Variants in PIP4P2 observed in about 807,000 individuals in gnomAD.
PIP4P2 encodes the protein phosphatidylinositol-4,5-bisphosphate 4-phosphatase 2.
Under a neutral mutation model 33.3 loss-of-function variants are expected in PIP4P2, and 19 were observed. That is an observed-to-expected ratio of 0.57 (90% CI 0.40 to 0.84). The LOEUF (loss-of-function observed/expected upper bound fraction) is 0.84, where lower values mean the gene tolerates loss of function less well. PIP4P2 is among the 40% of genes least tolerant of loss of function. The pLI, the probability that PIP4P2 is intolerant of heterozygous loss-of-function variation, is 0.00. For missense variants in PIP4P2, 270 were observed against 324.7 expected (o/e 0.83, Z 1.29); for synonymous variants, 110 against 111.9 (o/e 0.98, Z 0.11).
intron 4 of PIP4P2, 144 bp downstream of exon 4, chr8:91,018,246 T>A: frequency 2.3e-6 from 3 of 1,313,172 alleles, no homozygotes; most frequent in Non-Finnish European, 2.1e-6. Flanking sequence ...TAGTTGCACT[T>A]CTGATTGTCT....
At chr8:91,038,943 G>A (rs1364478901) in intron 1 of PIP4P2, among the ~76,000 whole-genome samples, 1 of 152,044 alleles carries the variant, frequency 6.6e-6, no homozygotes, top group East Asian at 1.9e-4. Flanking sequence ...GGCTGAACTG[G>A]AACTTATACT....
chr8:91,021,236 T>C lies in PIP4P2; in HGVS notation c.255+20A>G, dbSNP rs1269459404. 8 of 1,611,040 alleles carry C rather than the reference T, an allele frequency of 5.0e-6. No individual in the cohort carries two copies. The highest frequency in any genetic ancestry group is 2.7e-5 in the African/African-American group (2 of 74,840). On this transcript the variant is annotated intron_variant, in intron 2 of 6. Transcript: ENST00000285419. ...GTCAAATAACAATTTATATTTTTTCTAATGGAAATCTCCACTTACCGTAGC... is the reference window on the plus strand; with the variant it reads ...GTCAAATAACAATTTATATTTTTTCCAATGGAAATCTCCACTTACCGTAGC...
At chr8:91,017,109 T>G (rs1181614494) in intron 4 of PIP4P2, among the ~76,000 whole-genome samples, 1 of 152,252 alleles carries the variant, frequency 6.6e-6, no homozygotes, top group Non-Finnish European at 1.5e-5. Context: ...GCAGTATAAG[T>G]GCTAAGTTCT....
At chr8:91,028,354 A>G (rs1812111129) in intron 1 of PIP4P2, among the ~76,000 whole-genome samples, 1 of 152,214 alleles carries the variant, frequency 6.6e-6, no homozygotes, top group Non-Finnish European at 1.5e-5. Context: ...ACTTTCTGCA[A>G]AGAGACCTGA....
At chr8:91,000,928 T>G (rs1156477356) in intron 5 of PIP4P2, among the ~76,000 whole-genome samples, 1 of 152,076 alleles carries the variant, frequency 6.6e-6, no homozygotes, top group East Asian at 1.9e-4. Flanking sequence ...TATGCTAGAT[T>G]CTGGGTAATT....
intron 5 of PIP4P2, among the ~76,000 whole-genome samples, chr8:91,004,348 A>G (rs1373360870): frequency 3.9e-5 from 6 of 151,980 alleles, no homozygotes; most frequent in Non-Finnish European, 8.8e-5. Context: ...CCCCCAGCGA[A>G]TTGGATGGTG....
Position 90,995,864 on chromosome 8 carries a change from A to AG in PIP4P2, c.631-45_631-44insC, listed in dbSNP as rs545317848. On this transcript the variant is annotated intron_variant, in intron 6 of 6. Transcript: ENST00000285419. Reference sequence around the variant, plus strand: ...TAAAAACAAAATATTAGAAACTTTAAAAAATATCTGCTTAGGGAACTTGTA... The same window carrying AG: ...TAAAAACAAAATATTAGAAACTTTAAGAAAATATCTGCTTAGGGAACTTGTA... The AG allele has an allele frequency of 3.2e-4, 501 of 1,553,148 alleles. 3 individuals are homozygous for AG. In the African/African-American group the frequency reaches 6.6e-3, roughly 20 times the overall value.
chr8:91,027,903 G>A (rs1341511747), intron 1 of PIP4P2, among the ~76,000 whole-genome samples: 1 of 152,126 alleles, frequency 6.6e-6, no homozygotes, highest in Non-Finnish European at 1.5e-5. Context: ...CTTCACTAAG[G>A]CATCAATAAA....
At position 90,993,854 on chromosome 8, in the gene PIP4P2, G is replaced by A. The variant is rs558794345; in HGVS notation, c.*1823C>T. ...TATTCATTCATGCATATTCATTCAC[G>A]TAAATTGAGCACATGTACACTAAGA... On this transcript the variant is annotated 3_prime_UTR_variant, in exon 7 of 7. Coordinates refer to ENST00000285419, the MANE Select transcript of PIP4P2 (RefSeq NM_018710.3). 6.6e-5 allele frequency: 10 copies of A among 152,202 alleles called. No homozygotes were observed. Among genetic ancestry groups the A allele is most frequent in the South Asian group, 2.1e-4 (1 of 4,824 alleles). 9.4% of individuals were successfully genotyped at this position (152,202 alleles called of 1,614,324 possible).
At chr8:91,015,163 C>G (rs1811897748) in intron 4 of PIP4P2, among the ~76,000 whole-genome samples, 1 of 152,130 alleles carries the variant, frequency 6.6e-6, no homozygotes, top group South Asian at 2.1e-4. Flanking sequence ...ACCCCTATTA[C>G]CTCTCTTAGC....
chr8:91,007,068 G>A (rs901898750), intron 5 of PIP4P2, among the ~76,000 whole-genome samples: 8 of 151,856 alleles, frequency 5.3e-5, no homozygotes, highest in South Asian at 2.1e-4. Flanking sequence ...GTACATTTTC[G>A]TGAAAATACA....
intron 4 of PIP4P2, among the ~76,000 whole-genome samples, chr8:91,011,091 T>C (rs1811832497): frequency 6.6e-6 from 1 of 151,404 alleles, no homozygotes; most frequent in Non-Finnish European, 1.5e-5. Flanking sequence ...AGGCAACTGG[T>C]AACACTTTGA....
At chr8:91,003,858 G>A (rs1166620216) in intron 5 of PIP4P2, among the ~76,000 whole-genome samples, 2 of 151,978 alleles carry the variant, frequency 1.3e-5, no homozygotes, top group Non-Finnish European at 2.9e-5. Context: ...AAACCCAGGA[G>A]AAAGCAGTAT....
chr8:91,021,507 C>A, intron 1 of PIP4P2, 103 bp from the exon 2 acceptor site: 1 of 1,356,424 alleles, frequency 7.4e-7, no homozygotes, highest in South Asian at 1.6e-5. Context: ...AAGATTTTCC[C>A]ACGTTCTTTT....
At chr8:91,026,406 G>A (rs1812085409) in intron 1 of PIP4P2, among the ~76,000 whole-genome samples, 1 of 152,126 alleles carries the variant, frequency 6.6e-6, no homozygotes, top group Non-Finnish European at 1.5e-5. Context: ...AAGGAGTTCA[G>A]AGAGTTTCTC....
chr8:91,022,622 T>C (rs1359206600), intron 1 of PIP4P2, among the ~76,000 whole-genome samples: 1 of 152,150 alleles, frequency 6.6e-6, no homozygotes, highest in East Asian at 1.9e-4. Context: ...TAGCTAAGCA[T>C]AATAAGAGCT....
chr8:91,020,326 T>C (rs2130369450), intron 2 of PIP4P2, 63 bp from the exon 3 acceptor site: 3 of 1,491,080 alleles, frequency 2.0e-6, no homozygotes, highest in East Asian at 2.3e-5. Context: ...CAAAGTTTGT[T>C]TGTGTTTAAA....
At chr8:91,016,092 CT>C (rs1214907668) in intron 4 of PIP4P2, among the ~76,000 whole-genome samples, 1 of 152,128 alleles carries the variant, frequency 6.6e-6, no homozygotes, top group Admixed American at 6.6e-5. Flanking sequence ...CTATTTACTC[CT>C]AATTAGACGG....
At chr8:91,013,370 G>C (rs1811865331) in intron 4 of PIP4P2, among the ~76,000 whole-genome samples, 1 of 152,146 alleles carries the variant, frequency 6.6e-6, no homozygotes, top group African/African-American at 2.4e-5. Flanking sequence ...GAAGTAGGTT[G>C]AAACAAATCT....
Sources: allele counts gnomAD v4.1 joint callset (sites outside exome capture counted in the v4.1 genomes callset), GRCh38; gene constraint gnomAD v4.1.1; transcripts MANE v1.5; gene names NCBI Gene and HGNC (gene_info 2026-07-23, HGNC 2026-07-21).